FHDC1: variants seen among roughly 807,000 people sequenced by gnomAD.
FHDC1 encodes FH2 domain containing 1, also known as FH2 domain-containing protein 1.
FHDC1 carries 25 observed loss-of-function variants against 52.6 expected under a neutral mutation model. That is an observed-to-expected ratio of 0.48 (90% confidence interval 0.35 to 0.66). The LOEUF is 0.66. FHDC1 is among the 30% of genes least tolerant of loss of function. The pLI is 0.01. For missense variants in FHDC1, 1,459 were observed against 1,452.8 expected (o/e 1.00, Z -0.07); for synonymous variants, 616 against 581.5 (o/e 1.06, Z -0.85).
At position 152,975,940 on chromosome 4, in the gene FHDC1, C is replaced by T. The variant is rs1012416604; in HGVS notation, c.2649C>T (p.Ser883=). The stretch of plus-strand genomic sequence containing the variant: ...CCAAGCCCGGGAGCGCCCGGCGGAG[C>T]CAGGGGGCAGTGGCCAAGTCTGTGC... ...GASKPGSARR[S]QGAVAKSVRT... The change falls in exon 12 of 12, where the codon AGC becomes AGT. Residue 883 remains serine (S), a synonymous_variant. Coordinates refer to ENST00000511601, the MANE Select transcript of FHDC1 (RefSeq NM_001371116.1). 1 of 1,514,264 alleles carries T rather than the reference C, an allele frequency of 6.6e-7. No homozygotes were observed. Among genetic ancestry groups the T allele is most frequent in the East Asian group, 2.3e-5 (1 of 43,972 alleles). 93.8% of individuals were successfully genotyped at this position (1,514,264 alleles called of 1,614,324 possible).
At chr4:152,943,671 G>T in intron 2 of FHDC1, 116 bp downstream of exon 2, 1 of 1,256,382 alleles carries the variant, frequency 8.0e-7, no homozygotes. Context: ...TAATACAAGC[G>T]AATCTGCCTT....
At chr4:152,937,646 CCGCAGGCCGCGGCT>C (rs1739432733) in intron 1 of FHDC1, among the ~76,000 whole-genome samples, 1 of 151,694 alleles carries the variant, frequency 6.6e-6, no homozygotes. Flanking sequence ...AGTCCCCGCC[CCGCAGGCCGCGGCT>C]TCTCTCCCCG....
intron 8 of FHDC1, among the ~76,000 whole-genome samples, chr4:152,964,125 A>G (rs1439165614): frequency 6.6e-6 from 1 of 152,102 alleles, no homozygotes; most frequent in African/African-American, 2.4e-5. Flanking sequence ...AGTAGTGATA[A>G]CTTACCCCAA....
chr4:152,913,469 A>C, the FHDC1 span, among the ~76,000 whole-genome samples: 1 of 152,248 alleles, frequency 6.6e-6, no homozygotes, highest in Non-Finnish European at 1.5e-5. Flanking sequence ...TTTAGTTTTC[A>C]CTGGAGATGA....
chr4:152,974,316 G>A (rs950290394), intron 11 of FHDC1, among the ~76,000 whole-genome samples: 5 of 152,144 alleles, frequency 3.3e-5, no homozygotes, highest in African/African-American at 1.2e-4. Flanking sequence ...AGTTGAGGTC[G>A]CATGCTTATG....
At chr4:152,967,192 G>A (rs183239917) in intron 9 of FHDC1, among the ~76,000 whole-genome samples, 36 of 152,296 alleles carry the variant, frequency 2.4e-4, no homozygotes, top group African/African-American at 8.2e-4. Context: ...TTGGGAGGCT[G>A]AGGTGGGCAG....
Position 152,975,948 on chromosome 4 carries a change from C to CAGT in FHDC1, c.2658_2660dup (p.Val887dup). On this transcript the variant is annotated inframe_insertion, in exon 12 of 12. Transcript: ENST00000511601. ...GGGAGCGCCCGGCGGAGCCAGGGGG[C>CAGT]AGTGGCCAAGTCTGTGCGGACCCTG... 2.6e-6 allele frequency: 4 copies of CAGT among 1,514,486 alleles called. No homozygotes were observed. The highest frequency in any genetic ancestry group is 3.5e-6 in the Non-Finnish European group (4 of 1,133,754). The allele number at this position is 1,514,486 out of a possible 1,614,324, so 93.8% of individuals were successfully genotyped here. A position where few individuals can be genotyped will look rare whatever the true frequency, so the allele number is the denominator to read the frequency against.
At chr4:152,924,389 G>A in the FHDC1 span, among the ~76,000 whole-genome samples, 2 of 152,154 alleles carry the variant, frequency 1.3e-5, no homozygotes, top group African/African-American at 4.8e-5. Context: ...TGGAGAAATA[G>A]GAACACTTTT....
chr4:152,963,436 T>G (rs1740345813), intron 8 of FHDC1, among the ~76,000 whole-genome samples: 1 of 152,248 alleles, frequency 6.6e-6, no homozygotes, highest in Non-Finnish European at 1.5e-5. Context: ...CAGGAGTTTG[T>G]GCACAGTGTA....
At chr4:152,964,756 A>G (rs1740408666) in intron 8 of FHDC1, 149 bp from the exon 9 acceptor site, 1 of 606,196 alleles carries the variant, frequency 1.6e-6, no homozygotes, top group Non-Finnish European at 2.9e-6. Context: ...TCTTACTAAG[A>G]GTATCAGAGT....
chr4:152,974,315 C>T (rs1264032163), intron 11 of FHDC1, among the ~76,000 whole-genome samples: 4 of 152,056 alleles, frequency 2.6e-5, no homozygotes, highest in Admixed American at 6.5e-5. Context: ...GAGTTGAGGT[C>T]GCATGCTTAT....
the FHDC1 span, among the ~76,000 whole-genome samples, chr4:152,919,219 A>C: frequency 2.0e-5 from 3 of 152,268 alleles, no homozygotes; most frequent in Non-Finnish European, 2.9e-5. Flanking sequence ...CGAGCCTTGA[A>C]GGTAAATACT....
At chr4:152,928,186 C>T in the FHDC1 span, 1 of 788,262 alleles carries the variant, frequency 1.3e-6, no homozygotes, top group Non-Finnish European at 2.3e-6. Flanking sequence ...TCTTCCAAAC[C>T]AATACCTTCC....
chr4:152,927,670 C>A, the FHDC1 span: 1 of 1,580,984 alleles, frequency 6.3e-7, no homozygotes. Context: ...AGTTCAAATT[C>A]AAAAACATGG....
At chr4:152,933,180 C>T (rs1739279559), upstream of FHDC1, among the ~76,000 whole-genome samples, 1 of 152,226 alleles carries the variant, frequency 6.6e-6, no homozygotes, top group Non-Finnish European at 1.5e-5. Context: ...AGCAGCGCCA[C>T]CTCCAAGCCA....
rs370756878 is a variant in FHDC1 at position 152,968,517 on chromosome 4, C to T, written c.1218+420C>T. 2.7e-4 allele frequency among the ~76,000 whole-genome samples: 41 copies of T among 152,158 alleles called. No individual in the cohort carries two copies. The East Asian group carries it at 5.8e-3, about 22-fold the overall frequency. On this transcript the variant is annotated intron_variant, in intron 10 of 11. Transcript: ENST00000511601. ...AATTTTTGTATTTTTTCAGTAGAGA[C>T]GCGGTTTTGCCATGTTGGCCAGGCT...
the FHDC1 span, among the ~76,000 whole-genome samples, chr4:152,925,902 A>G: frequency 6.6e-6 from 1 of 151,704 alleles, no homozygotes; most frequent in Non-Finnish European, 1.5e-5. Context: ...AGGAGGGAGA[A>G]GGAGAAGGAG....
chr4:152,922,871 G>A, the FHDC1 span, among the ~76,000 whole-genome samples: 1 of 150,526 alleles, frequency 6.6e-6, no homozygotes, highest in Non-Finnish European at 1.5e-5. Context: ...AATAATAAGA[G>A]CTATCTATGA....
In FHDC1 at chr4:152,936,373, G is replaced by A. The variant is rs1368231190; in HGVS notation, c.-167G>A. ...CGACACAACGGCGGGAGGCTGCAGC[G>A]GTCTGCGCGCCGGGAGCGGGGGCGC... On this transcript the variant is annotated 5_prime_UTR_variant, in exon 1 of 12. Transcript: ENST00000511601. 6.6e-6 allele frequency: 1 copy of A among 152,300 alleles called. No homozygotes were observed. Among genetic ancestry groups the A allele is most frequent in the Non-Finnish European group, 1.5e-5 (1 of 68,272 alleles). The allele number at this position is 152,300 out of a possible 1,614,324, so 9.4% of individuals were successfully genotyped here.
Sources: gnomAD v4.1 joint callset for allele counts (sites outside exome capture counted in the v4.1 genomes callset) on GRCh38, gnomAD v4.1.1 for gene constraint, MANE v1.5 for transcripts, NCBI Gene and HGNC (gene_info 2026-07-23, HGNC 2026-07-21) for gene names.